The following ADAMTSL1 variants were observed in gnomAD, a reference collection of about 807,000 sequenced individuals.
The protein encoded by ADAMTSL1 is ADAMTS like 1, also known as ADAMTS-like protein 1.
Under a neutral mutation model 201.8 loss-of-function variants are expected in ADAMTSL1, and 126 were observed. The observed-to-expected ratio is 0.62, with a 90% CI of 0.54 to 0.72. The LOEUF (loss-of-function observed/expected upper bound fraction) is 0.72. Ranked by LOEUF, ADAMTSL1 falls within the 30% of genes least tolerant of loss-of-function variation. The probability of loss-of-function intolerance (pLI) is 0.00; values close to 1 mark genes in which losing one functional copy is unlikely to be tolerated. For synonymous variants in ADAMTSL1, 1,121 were observed against 903.4 expected (o/e 1.24, Z -4.32); for missense variants, 2,679 against 2,277.8 (o/e 1.18, Z -3.59).
intron 2 of ADAMTSL1, among the ~76,000 whole-genome samples, chr9:18,178,750 C>T (rs1427781349): frequency 6.6e-6 from 1 of 152,076 alleles, no homozygotes; most frequent in Non-Finnish European, 1.5e-5. Context: ...CTGGGAGGCA[C>T]CCCCAAGCAG....
intron 1 of ADAMTSL1, among the ~76,000 whole-genome samples, chr9:18,095,416 C>CTTTTTTTTTTTTT (rs35164794): frequency 1.7e-4 from 17 of 100,126 alleles, no homozygotes; most frequent in Admixed American, 2.5e-4. Context: ...TTCTTTCTTT[C>CTTTTTTTTTTTTT]TTTTTTTTTT....
At chr9:18,072,896 C>T (rs553798274) in intron 1 of ADAMTSL1, among the ~76,000 whole-genome samples, 5 of 152,194 alleles carry the variant, frequency 3.3e-5, no homozygotes, top group African/African-American at 9.6e-5. Context: ...TTTTTCCTTT[C>T]TAGTAAAGAT....
intron 2 of ADAMTSL1, among the ~76,000 whole-genome samples, chr9:18,511,819 T>C (rs1052353727): frequency 2.6e-5 from 4 of 152,208 alleles, no homozygotes; most frequent in African/African-American, 9.6e-5. Flanking sequence ...TTTTCAATGG[T>C]AAGATTTTGC....
chr9:18,735,748 CT>C (rs71333066), intron 15 of ADAMTSL1, among the ~76,000 whole-genome samples: 49,663 of 106,782 alleles, frequency 0.47, 8,824 homozygotes, highest in South Asian at 0.56. Context: ...ATTCTTTTTT[CT>C]TTTTTTTTTT....
chr9:18,415,464 G>C (rs1013620082), intron 2 of ADAMTSL1, among the ~76,000 whole-genome samples: 2 of 151,948 alleles, frequency 1.3e-5, no homozygotes, highest in Non-Finnish European at 2.9e-5. Context: ...GAAAATAATA[G>C]TCAACTAAAA....
At chr9:18,397,077 C>A (rs116620755) in intron 2 of ADAMTSL1, among the ~76,000 whole-genome samples, 1,757 of 151,038 alleles carry the variant, frequency 0.012, 32 homozygotes, top group African/African-American at 0.042. Context: ...TATTTTTTAA[C>A]CCCTATGCAT....
At chr9:18,179,791 G>A (rs1342602901) in intron 2 of ADAMTSL1, among the ~76,000 whole-genome samples, 2 of 151,946 alleles carry the variant, frequency 1.3e-5, no homozygotes, top group African/African-American at 4.8e-5. Context: ...CATAAGTGAA[G>A]GAGAAATAAA....
chr9:18,420,780 A>T (rs141477355), intron 2 of ADAMTSL1, among the ~76,000 whole-genome samples: 1 of 152,200 alleles, frequency 6.6e-6, no homozygotes, highest in Non-Finnish European at 1.5e-5. Flanking sequence ...TTTAAAAGGT[A>T]TATTCCTTAA....
intron 2 of ADAMTSL1, among the ~76,000 whole-genome samples, chr9:18,249,751 A>T (rs1052200242): frequency 6.6e-6 from 1 of 152,214 alleles, no homozygotes; most frequent in South Asian, 2.1e-4. Context: ...GTTACTCTCA[A>T]CCAAAAGCTA....
chr9:17,961,479 G>T (rs1817752183), intron 1 of ADAMTSL1, among the ~76,000 whole-genome samples: 1 of 152,104 alleles, frequency 6.6e-6, no homozygotes, highest in Non-Finnish European at 1.5e-5. Context: ...TCGAACTCCT[G>T]ACCTCAGGTG....
At chr9:18,498,808 T>C (rs926795870) in intron 1 of ADAMTSL1, among the ~76,000 whole-genome samples, 1 of 152,142 alleles carries the variant, frequency 6.6e-6, no homozygotes, top group Admixed American at 6.5e-5. Flanking sequence ...ATTTGTAAAA[T>C]AAGGAAAAAA....
At chr9:18,493,243 G>A (rs560514539) in intron 1 of ADAMTSL1, among the ~76,000 whole-genome samples, 1 of 152,106 alleles carries the variant, frequency 6.6e-6, no homozygotes, top group Non-Finnish European at 1.5e-5. Context: ...CTTCTATCAG[G>A]TTATTTTTCC....
At chr9:18,811,488 G>A (rs192694256) in intron 20 of ADAMTSL1, among the ~76,000 whole-genome samples, 4 of 152,326 alleles carry the variant, frequency 2.6e-5, no homozygotes, top group African/African-American at 9.6e-5. Context: ...TCCCACTCCT[G>A]CCCAGCAGTA....
intron 1 of ADAMTSL1, among the ~76,000 whole-genome samples, chr9:17,922,501 A>T (rs567213370): frequency 6.6e-6 from 1 of 152,272 alleles, no homozygotes; most frequent in South Asian, 2.1e-4. Context: ...GTTTAGGGAT[A>T]TGCGTTTATT....
chr9:18,513,269 T>C (rs1818143938), intron 2 of ADAMTSL1, among the ~76,000 whole-genome samples: 1 of 152,168 alleles, frequency 6.6e-6, no homozygotes, highest in Non-Finnish European at 1.5e-5. Context: ...CCATCTTGCA[T>C]CACTGAAACT....
chr9:17,941,419 C>G (rs575873946), intron 1 of ADAMTSL1, among the ~76,000 whole-genome samples: 5 of 152,144 alleles, frequency 3.3e-5, no homozygotes, highest in Admixed American at 2.0e-4. Context: ...TTTTTGGATA[C>G]GTGTAGTTTA....
intron 1 of ADAMTSL1, among the ~76,000 whole-genome samples, chr9:18,058,194 T>C (rs984747093): frequency 3.9e-5 from 6 of 152,224 alleles, no homozygotes; most frequent in Non-Finnish European, 5.9e-5. Context: ...TAGAACATTC[T>C]TTTGGTTTTT....
intron 9 of ADAMTSL1, among the ~76,000 whole-genome samples, chr9:18,669,948 C>T (rs1290261981): frequency 2.0e-5 from 3 of 152,144 alleles, no homozygotes; most frequent in Non-Finnish European, 4.4e-5. Context: ...GATCCTTTTC[C>T]TCATTATGGC....
chr9:17,957,663 A>G (rs942878547), intron 1 of ADAMTSL1, among the ~76,000 whole-genome samples: 4 of 152,154 alleles, frequency 2.6e-5, no homozygotes, highest in Non-Finnish European at 5.9e-5. Flanking sequence ...ATGTGACCTT[A>G]TTTGGAAAAG....
Sources: allele counts gnomAD v4.1 joint callset (sites outside exome capture counted in the v4.1 genomes callset), GRCh38; gene constraint gnomAD v4.1.1; transcripts MANE v1.5; gene names NCBI Gene and HGNC (gene_info 2026-07-23, HGNC 2026-07-21).